The following RERE variants were observed in gnomAD, a reference collection of about 807,000 sequenced individuals.
RERE encodes the protein arginine-glutamic acid dipeptide repeats.
Under a neutral mutation model 146.1 loss-of-function variants are expected in RERE, and 40 were observed. The ratio of observed to expected loss-of-function variants is 0.27; its 90% CI spans 0.21 to 0.36. RERE has a LOEUF of 0.36. Among genes scored for constraint, RERE ranks in the 10% least tolerant of loss-of-function variants. The probability of loss-of-function intolerance (pLI) is 1.00; values close to 1 mark genes in which losing one functional copy is unlikely to be tolerated. For synonymous variants in RERE, 1,003 were observed against 866.0 expected (o/e 1.16, Z -2.78); for missense variants, 1,933 against 2,138.7 (o/e 0.90, Z 1.90).
chr1:8,453,300 G>A (rs986045535), intron 11 of RERE, among the ~76,000 whole-genome samples: 1 of 152,176 alleles, frequency 6.6e-6, no homozygotes, highest in Non-Finnish European at 1.5e-5. Context: ...GAACTGAGCA[G>A]TAGGATCCCA....
chr1:8,522,495 CTGG>C (rs1287123541), intron 7 of RERE, among the ~76,000 whole-genome samples: 1 of 152,202 alleles, frequency 6.6e-6, no homozygotes, highest in Non-Finnish European at 1.5e-5. Flanking sequence ...TCACAGACAT[CTGG>C]TCTTAGATAT....
At chr1:8,460,210 C>A (rs1050478800) in intron 11 of RERE, among the ~76,000 whole-genome samples, 1 of 152,180 alleles carries the variant, frequency 6.6e-6, no homozygotes, top group African/African-American at 2.4e-5. Context: ...CTGGCACATT[C>A]AGATGCCTAG....
intron 4 of RERE, among the ~76,000 whole-genome samples, chr1:8,590,345 G>A (rs139485662): frequency 6.6e-6 from 1 of 152,066 alleles, no homozygotes; most frequent in African/African-American, 2.4e-5. Context: ...ACAGCACAAA[G>A]CCATCAAATC....
chr1:8,437,534 G>A (rs901104108), intron 11 of RERE, among the ~76,000 whole-genome samples: 2 of 151,954 alleles, frequency 1.3e-5, no homozygotes, highest in African/African-American at 4.8e-5. Context: ...AGTCCCCCAA[G>A]GGAGGGTCCC....
chr1:8,525,711 C>G, intron 7 of RERE: 8 of 1,545,876 alleles, frequency 5.2e-6, no homozygotes, highest in Non-Finnish European at 6.1e-6. Flanking sequence ...TGAGAAAGAG[C>G]AGCAAAACCC....
chr1:8,762,353 G>T (rs1640770974), intron 1 of RERE, among the ~76,000 whole-genome samples: 1 of 152,182 alleles, frequency 6.6e-6, no homozygotes, highest in Non-Finnish European at 1.5e-5. Flanking sequence ...CTTGCACACA[G>T]TAGGTACTTA....
At chr1:8,604,673 G>T (rs74050242) in intron 4 of RERE, among the ~76,000 whole-genome samples, 2,073 of 145,634 alleles carry the variant, frequency 0.014, 114 homozygotes, top group African/African-American at 0.052. Flanking sequence ...AGGAAGGAAG[G>T]AAGTCCACAT....
At chr1:8,712,067 CA>C (rs1371789733) in intron 1 of RERE, among the ~76,000 whole-genome samples, 1 of 152,166 alleles carries the variant, frequency 6.6e-6, no homozygotes, top group Non-Finnish European at 1.5e-5. Flanking sequence ...GCCTAAAAGC[CA>C]ATAACTGCTC....
chr1:8,601,943 C>CTGTCTGTAGGCTGCTGCCCT (rs1646637135), intron 4 of RERE, among the ~76,000 whole-genome samples: 2 of 107,646 alleles, frequency 1.9e-5, no homozygotes, highest in African/African-American at 5.4e-5. Flanking sequence ...AGAAACTTCA[C>CTGTCTGTAGGCTGCTGCCCT]TGTCTGTAGG....
chr1:8,361,418 C>T lies in RERE; in HGVS notation c.2089G>A (p.Gly697Ser), dbSNP rs780809910. Residue 697 changes from glycine (G) to serine (S), a missense_variant, in exon 18 of 23, where the codon GGT becomes AGT. Gly to Ser is a moderately conservative substitution (Grantham distance 56). This residue lies in a region of RERE where 1,255 missense variants were observed against 1,153.8 expected (regional missense o/e 1.09). Coordinates refer to ENST00000400908, the MANE Select transcript of RERE (RefSeq NM_001042681.2). ...SSDSRSVNDE[G>S]SSDPKDIDQD... ...TCGATGTCTTTGGGGTCACTGCTAC[C>T]CTCATCGTTGACGCTGCGACTGTCT... 4 of 1,613,892 alleles carry T rather than the reference C, an allele frequency of 2.5e-6. No individual in the cohort carries two copies. Among genetic ancestry groups the T allele is most frequent in the Non-Finnish European group, 3.4e-6 (4 of 1,179,920 alleles).
At chr1:8,459,570 A>G (rs1644499761) in intron 11 of RERE, among the ~76,000 whole-genome samples, 1 of 152,218 alleles carries the variant, frequency 6.6e-6, no homozygotes, top group South Asian at 2.1e-4. Context: ...TAGAAAGATA[A>G]TTTCAATGTT....
At chr1:8,408,312 A>T (rs301791) in intron 12 of RERE, among the ~76,000 whole-genome samples, 40,782 of 152,062 alleles carry the variant, frequency 0.27, 5,956 homozygotes, top group Non-Finnish European at 0.32. Context: ...TTTCTACTGT[A>T]TCACATCCCA....
intron 12 of RERE, among the ~76,000 whole-genome samples, chr1:8,371,359 G>A (rs1642028828): frequency 2.0e-5 from 3 of 152,178 alleles, no homozygotes; most frequent in Admixed American, 6.5e-5. Context: ...CTAAGATGGA[G>A]TTAGGAAAAT....
chr1:8,697,399 T>A (rs1374019457), intron 1 of RERE, among the ~76,000 whole-genome samples: 2 of 115,042 alleles, frequency 1.7e-5, no homozygotes, highest in Admixed American at 1.0e-4. Flanking sequence ...CACACAACTT[T>A]TTTTTTTTTT....
intron 1 of RERE, among the ~76,000 whole-genome samples, chr1:8,755,146 G>T (rs952157356): frequency 2.0e-5 from 3 of 152,376 alleles, no homozygotes; most frequent in Admixed American, 6.5e-5. Context: ...GCAGCTAGCA[G>T]TGGTAACAGA....
chr1:8,553,853 T>C (rs569118540), intron 6 of RERE, among the ~76,000 whole-genome samples: 1 of 152,326 alleles, frequency 6.6e-6, no homozygotes, highest in African/African-American at 2.4e-5. Context: ...GATGGAATTA[T>C]TTAGGATAAC....
intron 4 of RERE, among the ~76,000 whole-genome samples, chr1:8,573,287 T>C (rs1418408795): frequency 6.6e-6 from 1 of 152,176 alleles, no homozygotes; most frequent in Non-Finnish European, 1.5e-5. Flanking sequence ...AACCACCACC[T>C]TGAATTCACT....
chr1:8,495,122 T>G lies in RERE; in HGVS notation c.1045A>C (p.Thr349Pro), dbSNP rs1434394613. 1 of 1,614,032 alleles carries G rather than the reference T, an allele frequency of 6.2e-7. No individual in the cohort carries two copies. The highest frequency in any genetic ancestry group is 8.5e-7 in the Non-Finnish European group (1 of 1,179,930). Residue 349 changes from threonine (T) to proline (P), a missense_variant, in exon 10 of 23, where the codon ACA (threonine) becomes CCA (proline). Around this residue, in one of 11 missense-constraint regions of RERE, gnomAD observed 260 missense variants for 378.4 expected, o/e 0.69. Coordinates refer to ENST00000400908, the MANE Select transcript of RERE (RefSeq NM_001042681.2). ...GAGGCTGCGACACAGCCGTCCTCTG[T>G]AGAGCCTCCATCACACATTCCTGCA... The part of the protein sequence containing the change: ...AFAGMCDGGS[T>P]EDGCVAASRD...
intron 7 of RERE, among the ~76,000 whole-genome samples, chr1:8,540,174 C>T (rs752934518): frequency 2.3e-4 from 35 of 152,186 alleles, no homozygotes; most frequent in Non-Finnish European, 4.1e-4. Context: ...CAGCTCACTA[C>T]AGCCTTGACT....
Sources: allele counts gnomAD v4.1 joint callset (sites outside exome capture counted in the v4.1 genomes callset), GRCh38; gene constraint gnomAD v4.1.1; regional missense constraint gnomAD v4.1.1; transcripts MANE v1.5; gene names NCBI Gene and HGNC (gene_info 2026-07-23, HGNC 2026-07-21).